Variants in LAMA2 observed in about 807,000 individuals in gnomAD.
LAMA2 encodes laminin subunit alpha-2.
LAMA2 carries 269 observed loss-of-function variants against 364.8 expected under a neutral mutation model. The ratio of observed to expected loss-of-function variants is 0.74; its 90% CI spans 0.67 to 0.82. The LOEUF is 0.82. Among genes scored for constraint, LAMA2 ranks in the 40% least tolerant of loss-of-function variants. The probability of loss-of-function intolerance (pLI) is 0.00; values close to 1 mark genes in which losing one functional copy is unlikely to be tolerated. For missense variants in LAMA2, 3,807 were observed against 3,873.2 expected (o/e 0.98, Z 0.45); for synonymous variants, 1,379 against 1,370.6 (o/e 1.01, Z -0.14).
In LAMA2 at chr6:129,491,896, A is replaced by C. The variant is rs771230276; in HGVS notation, c.7899-5A>C. 3 of 1,598,666 alleles carry C rather than the reference A, an allele frequency of 1.9e-6. No homozygotes were observed. The highest frequency in any genetic ancestry group is 2.7e-5 in the African/African-American group (2 of 74,592). On this transcript the variant is annotated splice_polypyrimidine_tract_variant and splice_region_variant and intron_variant, in intron 56 of 64. Coordinates refer to ENST00000421865, the MANE Select transcript of LAMA2 (RefSeq NM_000426.4). ...TATACTTGTTTATTTTTAATATTTT[A>C]TCAGCATCTTTACAGTTCAAGTGGA...
chr6:129,513,352 G>C (rs1003691246), intron 63 of LAMA2, among the ~76,000 whole-genome samples: 1 of 152,136 alleles, frequency 6.6e-6, no homozygotes, highest in African/African-American at 2.4e-5. Flanking sequence ...ACACTCAATA[G>C]TTTTACCAAA....
chr6:128,925,034 G>A (rs1262559685), intron 1 of LAMA2, among the ~76,000 whole-genome samples: 1 of 152,186 alleles, frequency 6.6e-6, no homozygotes, highest in East Asian at 1.9e-4. Flanking sequence ...GTGAGGATGT[G>A]AAGGAATTAG....
intron 27 of LAMA2, among the ~76,000 whole-genome samples, chr6:129,316,741 C>T (rs974080675): frequency 6.6e-6 from 1 of 152,042 alleles, no homozygotes; most frequent in Non-Finnish European, 1.5e-5. Context: ...GGGAGTATTC[C>T]GTGTTTTCTT....
intron 42 of LAMA2, among the ~76,000 whole-genome samples, chr6:129,439,196 A>G (rs967324704): frequency 4.6e-5 from 7 of 152,018 alleles, no homozygotes; most frequent in African/African-American, 1.7e-4. Context: ...TACCTAATAT[A>G]ATGTAAATGC....
intron 12 of LAMA2, among the ~76,000 whole-genome samples, chr6:129,235,799 C>A (rs1044009319): frequency 1.3e-5 from 2 of 152,070 alleles, no homozygotes; most frequent in Admixed American, 1.3e-4. Flanking sequence ...TTTCTTCTTT[C>A]TTCTTCTCCT....
chr6:129,339,153 A>T (rs1456826363), intron 29 of LAMA2, among the ~76,000 whole-genome samples: 1 of 152,200 alleles, frequency 6.6e-6, no homozygotes, highest in Non-Finnish European at 1.5e-5. Context: ...TGGAGACAGG[A>T]TCTTTAGCTA....
intron 1 of LAMA2, among the ~76,000 whole-genome samples, chr6:129,044,362 A>G (rs1787320763): frequency 6.6e-6 from 1 of 152,138 alleles, no homozygotes; most frequent in Non-Finnish European, 1.5e-5. Context: ...TTGAGAATGT[A>G]GATCATCAAA....
chr6:129,315,467 C>A lies in LAMA2; in HGVS notation c.3556-9C>A. 1.2e-6 allele frequency: 2 copies of A among 1,613,524 alleles called. No individual in the cohort carries two copies. Among genetic ancestry groups the A allele is most frequent in the Non-Finnish European group, 1.7e-6 (2 of 1,179,524 alleles). On this transcript the variant is annotated splice_polypyrimidine_tract_variant and intron_variant, in intron 24 of 64. Coordinates refer to ENST00000421865, the MANE Select transcript of LAMA2 (RefSeq NM_000426.4). ...ATTCAGCCTTCTGCTGTATTTTGAC[C>A]CCTTGCAGGTGACTCTGAAGGCTGA...
rs1485396457 is a variant in LAMA2 at position 129,169,617 on chromosome 6, A to T, written c.1306+3942A>T. On this transcript the variant is annotated intron_variant, in intron 9 of 64. Transcript: ENST00000421865. ...ATGTTCATCAAGGATATTGGTCTAA[A>T]ATTCTCTTTTTTGGTTGTGTCTCTG... Among the ~76,000 whole-genome samples the T allele has an allele frequency of 6.7e-5, 10 of 150,112 alleles. No individual in the cohort carries two copies. The East Asian group carries it at 1.2e-3, about 18-fold the overall frequency.
intron 32 of LAMA2, among the ~76,000 whole-genome samples, chr6:129,365,888 TA>T (rs1777744924): frequency 1.3e-5 from 2 of 152,182 alleles, no homozygotes; most frequent in African/African-American, 4.8e-5. Context: ...GGGGTACTTT[TA>T]ATGTTATATT....
intron 12 of LAMA2, among the ~76,000 whole-genome samples, chr6:129,216,862 T>C (rs1783454393): frequency 6.6e-6 from 1 of 152,178 alleles, no homozygotes; most frequent in African/African-American, 2.4e-5. Context: ...AAAAATTAGA[T>C]CTTGGAGCAA....
At chr6:129,400,580 A>AC (rs1779912901) in intron 37 of LAMA2, among the ~76,000 whole-genome samples, 1 of 152,114 alleles carries the variant, frequency 6.6e-6, no homozygotes, top group African/African-American at 2.4e-5. Flanking sequence ...TAAAAAATAG[A>AC]CCCCAAATGG....
chr6:128,946,975 A>G (rs1174264329), intron 1 of LAMA2, among the ~76,000 whole-genome samples: 1 of 152,222 alleles, frequency 6.6e-6, no homozygotes, highest in African/African-American at 2.4e-5. Context: ...CCCCTAATTC[A>G]TGGGCATTGA....
intron 15 of LAMA2, among the ~76,000 whole-genome samples, chr6:129,265,361 C>T (rs1787432316): frequency 6.6e-6 from 1 of 152,146 alleles, no homozygotes; most frequent in Admixed American, 6.6e-5. Flanking sequence ...GGTATGAGTA[C>T]TGCATTTGCA....
In LAMA2 at chr6:129,314,650, C is replaced by T; in HGVS notation, c.3412-5C>T. 1.2e-6 allele frequency: 2 copies of T among 1,613,380 alleles called. No individual in the cohort carries two copies. The highest frequency in any genetic ancestry group is 1.7e-6 in the Non-Finnish European group (2 of 1,179,954). On this transcript the variant is annotated splice_region_variant and splice_polypyrimidine_tract_variant and intron_variant, in intron 23 of 64. Transcript: ENST00000421865. ...AAACTCTGAGGGTCTCTTGTCTTTC[C>T]TCAGGTGAATGTGGAAGGCATCCAC...
intron 1 of LAMA2, among the ~76,000 whole-genome samples, chr6:128,950,862 G>T (rs1780772328): frequency 1.3e-5 from 2 of 151,968 alleles, no homozygotes; most frequent in Admixed American, 6.6e-5. Context: ...ATACATGTAA[G>T]GTGCTTAACA....
At chr6:128,901,891 C>T (rs902453689) in intron 1 of LAMA2, among the ~76,000 whole-genome samples, 3 of 152,118 alleles carry the variant, frequency 2.0e-5, no homozygotes, top group Non-Finnish European at 2.9e-5. Context: ...AGAATACATG[C>T]CAAGTGTATT....
intron 62 of LAMA2, among the ~76,000 whole-genome samples, chr6:129,508,996 A>G (rs145975859): frequency 1.9e-3 from 285 of 152,252 alleles, no homozygotes; most frequent in South Asian, 5.0e-3. Flanking sequence ...TCTTTTCTCC[A>G]CATCCTCGTC....
chr6:129,424,799 A>G (rs539827573), intron 40 of LAMA2, among the ~76,000 whole-genome samples: 1 of 152,152 alleles, frequency 6.6e-6, no homozygotes, highest in South Asian at 2.1e-4. Flanking sequence ...CAGGTTGATA[A>G]TTTCTTAAAA....
Sources: gnomAD v4.1 joint callset for allele counts (sites outside exome capture counted in the v4.1 genomes callset) on GRCh38, gnomAD v4.1.1 for gene constraint, MANE v1.5 for transcripts, NCBI Gene and HGNC (gene_info 2026-07-23, HGNC 2026-07-21) for gene names.